EXTL2: variants seen among roughly 807,000 people sequenced by gnomAD.
The protein encoded by EXTL2 is exostosin like glycosyltransferase 2, also known as exostosin-like 2.
In EXTL2, 23 loss-of-function variants were observed where a neutral mutation model predicts 30.7. The ratio of observed to expected loss-of-function variants is 0.75; its 90% confidence interval spans 0.54 to 1.06. The LOEUF is 1.06. Among genes scored for constraint, EXTL2 ranks in the 50% least tolerant of loss-of-function variants. The probability of loss-of-function intolerance (pLI) is 0.00; values close to 1 mark genes in which losing one functional copy is unlikely to be tolerated. For synonymous variants in EXTL2, 123 were observed against 133.8 expected, an observed-to-expected ratio of 0.92 and a Z score of 0.56; for missense variants, 352 against 396.3, an observed-to-expected ratio of 0.89 and a Z score of 0.95.
In EXTL2 at chr1:100,877,327, T is replaced by C. The variant is rs1649201535; in HGVS notation, c.433+149A>G. On this transcript the variant is annotated intron_variant, in intron 3 of 4. Coordinates refer to ENST00000370114, the MANE Select transcript of EXTL2 (RefSeq NM_001033025.3). The surrounding 1 kb of genome is among the most constrained non-coding windows in gnomAD (Gnocchi z 4.1). ...AAACCACTTCTTGACATCTTGGAAA[T>C]TGTCCCTCAAGCTTTCCAAAGTGCT... The C allele has an allele frequency of 3.1e-6, 2 of 635,086 alleles. No individual in the cohort carries two copies. Among genetic ancestry groups the C allele is most frequent in the Non-Finnish European group, 5.2e-6 (2 of 382,506 alleles). The allele number at this position is 635,086 out of a possible 1,614,324, so 39.3% of individuals were successfully genotyped here. A position where few individuals can be genotyped will look rare whatever the true frequency, so the allele number is the denominator to read the frequency against.
intron 2 of EXTL2, chr1:100,880,880 T>A: frequency 1.2e-6 from 1 of 833,778 alleles, no homozygotes; most frequent in Non-Finnish European, 1.4e-6. Context: ...TCTAGCAGTT[T>A]TAATCTAGAA....
chr1:100,892,649 C>A lies in EXTL2; in HGVS notation c.-72+1984G>T, dbSNP rs972744548. Among the ~76,000 whole-genome samples, 82 of 152,102 alleles carry A rather than the reference C, an allele frequency of 5.4e-4. 1 individual carries two copies. Among genetic ancestry groups the A allele is most frequent in the Admixed American group, 5.9e-4 (9 of 15,282 alleles). On this transcript the variant is annotated intron_variant, in intron 1 of 4. Transcript: ENST00000370114. ...ATCCTAGTTCTGTCCCTCCAGAGAA[C>A]CCTAATATAAGGATCCAGAAGCAAA...
chr1:100,893,462 C>A (rs1177560203), intron 1 of EXTL2, among the ~76,000 whole-genome samples: 1 of 152,066 alleles, frequency 6.6e-6, no homozygotes, highest in Non-Finnish European at 1.5e-5. Flanking sequence ...CTGTCACAAC[C>A]CCCCCCTTTC....
chr1:100,887,848 G>A (rs1328812072), intron 2 of EXTL2, among the ~76,000 whole-genome samples: 1 of 152,048 alleles, frequency 6.6e-6, no homozygotes, highest in Non-Finnish European at 1.5e-5. Context: ...ACAGGCGTCC[G>A]CCATCACACC....
Position 100,874,421 on chromosome 1 carries a change from C to T in EXTL2, c.514G>A (p.Asp172Asn), listed in dbSNP as rs184097400. 6.9e-4 allele frequency: 1,095 copies of T among 1,578,540 alleles called. 14 individuals carry two copies. The Middle Eastern group carries it at 0.012, about 17-fold the overall frequency. ...FAFSVWQQFP[D>N]QIVGFVPRKH... Reference sequence around the variant, plus strand: ...CTAGGAACAAATCCTACAATTTGATCAGGAAATTGCTGAAAAGAGGGAAAA... The same window carrying T: ...CTAGGAACAAATCCTACAATTTGATTAGGAAATTGCTGAAAAGAGGGAAAA... Residue 172 changes from aspartate to asparagine, a missense_variant, in exon 5 of 5, where the codon GAT becomes AAT. Asp to Asn is a conservative substitution (Grantham distance 23, BLOSUM62 1). Coordinates refer to ENST00000370114, the MANE Select transcript of EXTL2 (RefSeq NM_001033025.3).
Position 100,877,388 on chromosome 1 carries a change from G to A in EXTL2, c.433+88C>T, listed in dbSNP as rs901566031. The A allele has an allele frequency of 3.4e-5, 41 of 1,223,176 alleles. No homozygotes were observed. The African/African-American group carries it at 3.6e-4, about 11-fold the overall frequency. 75.8% of individuals were successfully genotyped at this position (1,223,176 alleles called of 1,614,324 possible). ...TAACTTCCTTCATTTTTCTCCAGAC[G>A]GTTAAGCAGAAGGCCAGAAATTCAC... On this transcript the variant is annotated intron_variant, in intron 3 of 4. Transcript: ENST00000370114. This position sits in a 1 kb window ranked among gnomAD's most constrained non-coding sequence, Gnocchi z 4.1.
At chr1:100,888,461 C>T (rs2100965173) in intron 2 of EXTL2, 1 of 271,006 alleles carries the variant, frequency 3.7e-6, no homozygotes, top group Non-Finnish European at 6.9e-6. Flanking sequence ...CACAAAAAGA[C>T]AAATACTGTA....
intron 2 of EXTL2, among the ~76,000 whole-genome samples, chr1:100,887,366 T>C (rs1051746216): frequency 6.6e-6 from 1 of 152,186 alleles, no homozygotes; most frequent in African/African-American, 2.4e-5. Flanking sequence ...TAGGGGAAGG[T>C]AAAAATATCC....
At chr1:100,882,524 T>C (rs1649640902) in intron 2 of EXTL2, among the ~76,000 whole-genome samples, 1 of 152,236 alleles carries the variant, frequency 6.6e-6, no homozygotes, top group Non-Finnish European at 1.5e-5. Context: ...GCCCTGTCTC[T>C]AAAACTGCCC....
chr1:100,893,323 G>A (rs1345684910), intron 1 of EXTL2, among the ~76,000 whole-genome samples: 2 of 152,134 alleles, frequency 1.3e-5, no homozygotes, highest in East Asian at 3.8e-4. Flanking sequence ...ATATTGAAAG[G>A]GCAAAAGGAA....
intron 2 of EXTL2, among the ~76,000 whole-genome samples, chr1:100,887,050 T>C (rs1315338123): frequency 1.3e-5 from 2 of 152,216 alleles, no homozygotes; most frequent in African/African-American, 4.8e-5. Context: ...TACAGTGCCA[T>C]GCAAAATTAG....
At chr1:100,889,035 T>C (rs1322226997) in intron 1 of EXTL2, among the ~76,000 whole-genome samples, 1 of 152,236 alleles carries the variant, frequency 6.6e-6, no homozygotes, top group Non-Finnish European at 1.5e-5. Context: ...TGGTGCTATA[T>C]TTTGGTTTTC....
At position 100,877,704 on chromosome 1, in the gene EXTL2, T is replaced by TGA; in HGVS notation, c.203_204dup (p.Ile69SerfsTer2). 6.2e-7 allele frequency: 1 copy of TGA among 1,613,480 alleles called. No homozygotes were observed. The highest frequency in any genetic ancestry group is 8.5e-7 in the Non-Finnish European group (1 of 1,179,580). ...TCTGTTCTGTTGTACGTCTGCATTA[T>TGA]GAGAGTAAAGGAGTCCATGGTGGAC... On this transcript the variant is annotated frameshift_variant, in exon 3 of 5. Transcript: ENST00000370114. LOFTEE classifies it high-confidence loss of function. This position sits in a 1 kb window ranked among gnomAD's most constrained non-coding sequence, Gnocchi z 4.1.
chr1:100,886,143 A>C (rs1485442757), intron 2 of EXTL2, among the ~76,000 whole-genome samples: 2 of 152,200 alleles, frequency 1.3e-5, no homozygotes, highest in African/African-American at 4.8e-5. Context: ...CATCTTTTCT[A>C]TTGACAATAG....
At chr1:100,883,774 T>C (rs918775812) in intron 2 of EXTL2, among the ~76,000 whole-genome samples, 6 of 152,322 alleles carry the variant, frequency 3.9e-5, no homozygotes, top group African/African-American at 1.2e-4. Context: ...AAGAGTAGAA[T>C]TGCTGGGTCA....
intron 2 of EXTL2, among the ~76,000 whole-genome samples, chr1:100,879,842 C>T (rs1649425756): frequency 1.3e-5 from 2 of 152,092 alleles, no homozygotes; most frequent in Non-Finnish European, 2.9e-5. Flanking sequence ...GATTTCATGT[C>T]TTGTGGCTAA....
At chr1:100,878,511 G>T in intron 2 of EXTL2, 1 of 468,672 alleles carries the variant, frequency 2.1e-6, no homozygotes, top group Non-Finnish European at 4.4e-6. Flanking sequence ...GGAGATGATA[G>T]GGAGAAACAG....
chr1:100,890,138 T>C (rs1048702521), intron 1 of EXTL2, among the ~76,000 whole-genome samples: 2 of 152,240 alleles, frequency 1.3e-5, no homozygotes, highest in African/African-American at 4.8e-5. Flanking sequence ...CAGAGGTTCC[T>C]AAACCTTAAT....
In EXTL2 at chr1:100,874,398, AG is replaced by A. The variant is rs1648939346; in HGVS notation, c.536del (p.Pro179LeufsTer34). On this transcript the variant is annotated frameshift_variant, in exon 5 of 5. Coordinates refer to ENST00000370114, the MANE Select transcript of EXTL2 (RefSeq NM_001033025.3). LOFTEE classifies it high-confidence loss of function. ...QFPDQIVGFV[P>X]RKHVSTSSGI... is the part of the protein sequence containing the mutation. ...CTGATGAAGTAGAGACGTGCTTTCT[AG>A]GAACAAATCCTACAATTTGATCAGG... 1 of 1,603,330 alleles carries A rather than the reference AG, an allele frequency of 6.2e-7. No homozygotes were observed. Among genetic ancestry groups the A allele is most frequent in the South Asian group, 1.1e-5 (1 of 89,034 alleles).
Sources: allele counts gnomAD v4.1 joint callset (sites outside exome capture counted in the v4.1 genomes callset), GRCh38; gene constraint gnomAD v4.1.1; non-coding constraint Gnocchi (gnomAD v3.1); transcripts MANE v1.5; gene names NCBI Gene and HGNC (gene_info 2026-07-23, HGNC 2026-07-21).